Variants in CENPE observed in about 807,000 individuals in gnomAD.
CENPE encodes centromere-associated protein E.
A neutral mutation model predicts 336.1 loss-of-function variants in CENPE; 145 were observed. That is an observed-to-expected ratio of 0.43 (90% CI 0.38 to 0.50). The LOEUF is 0.50. CENPE is among the 20% of genes least tolerant of loss of function. The probability of loss-of-function intolerance (pLI) is 0.00; values close to 1 mark genes in which losing one functional copy is unlikely to be tolerated. For missense variants in CENPE, 2,719 were observed against 3,023.3 expected (o/e 0.90, Z 2.36); for synonymous variants, 1,013 against 984.8 (o/e 1.03, Z -0.54).
At chr4:103,109,329 G>T (rs1749185974) in intron 47 of CENPE, among the ~76,000 whole-genome samples, 1 of 152,044 alleles carries the variant, frequency 6.6e-6, no homozygotes, top group Non-Finnish European at 1.5e-5. Flanking sequence ...CATGATCATG[G>T]AGTCTTGAAA....
At position 103,163,555 on chromosome 4, in the gene CENPE, TG is replaced by T; in HGVS notation, c.1648-3del. 1 of 1,544,958 alleles carries T rather than the reference TG, an allele frequency of 6.5e-7. No individual in the cohort carries two copies. Among genetic ancestry groups the T allele is most frequent in the Non-Finnish European group, 8.8e-7 (1 of 1,135,128 alleles). ...CGAAATTTCATGAATTAGTTGCATC[TG>T]TAAGAGCATGTGAACAGGTAACAGA... On this transcript the variant is annotated splice_polypyrimidine_tract_variant and splice_region_variant and intron_variant, in intron 16 of 48. Transcript: ENST00000265148.
At chr4:103,134,856 A>C (rs1201908066) in intron 40 of CENPE, among the ~76,000 whole-genome samples, 1 of 152,154 alleles carries the variant, frequency 6.6e-6, no homozygotes, top group Non-Finnish European at 1.5e-5. Context: ...ACCATTCCTT[A>C]ACCTCTTATA....
intron 2 of CENPE, 134 bp from the exon 3 acceptor site, chr4:103,196,386 T>C: frequency 1.4e-6 from 1 of 730,640 alleles, no homozygotes; most frequent in Non-Finnish European, 2.2e-6. Context: ...TAAGACACAG[T>C]ATTTTTTTCA....
At chr4:103,140,516 G>A (rs1752456707) in intron 36 of CENPE, 102 bp from the exon 37 acceptor site, 2 of 893,428 alleles carry the variant, frequency 2.2e-6, no homozygotes, top group South Asian at 2.1e-5. Context: ...TACACTCACA[G>A]TTAAAAACAA....
At chr4:103,173,973 A>G (rs1446598118) in intron 16 of CENPE, among the ~76,000 whole-genome samples, 1 of 151,930 alleles carries the variant, frequency 6.6e-6, no homozygotes, top group Non-Finnish European at 1.5e-5. Flanking sequence ...TAGAACTACC[A>G]TAAGATCCAG....
chr4:103,170,834 G>A (rs763790770), intron 16 of CENPE, among the ~76,000 whole-genome samples: 1 of 152,004 alleles, frequency 6.6e-6, no homozygotes, highest in Non-Finnish European at 1.5e-5. Flanking sequence ...GAAAGGAAGG[G>A]GTGGAAAAAG....
intron 10 of CENPE, 92 bp downstream of exon 10, chr4:103,183,109 C>A: frequency 1.0e-6 from 1 of 970,644 alleles, no homozygotes; most frequent in East Asian, 2.5e-5. Context: ...TGGAAGAAAT[C>A]AGTACATTTG....
intron 38 of CENPE, 25 bp from the exon 39 acceptor site, chr4:103,138,474 C>T (rs374239153): frequency 6.6e-7 from 1 of 1,515,296 alleles, no homozygotes. Flanking sequence ...AGAAAATAAA[C>T]AGGGCTTTTG....
At chr4:103,124,096 A>C (rs2125874144) in intron 42 of CENPE, among the ~76,000 whole-genome samples, 1 of 152,320 alleles carries the variant, frequency 6.6e-6, no homozygotes, top group Admixed American at 6.5e-5. Context: ...ATTAAACTTT[A>C]TCATAGGTAT....
Position 103,153,063 on chromosome 4 carries a change from T to C in CENPE, c.3221A>G (p.Lys1074Arg). ...AEKEQLKTDLKENIEMTIENQ... is the reference protein window; with the variant it reads ...AEKEQLKTDLRENIEMTIENQ... ...AAATCCTACCATTTCAATATTTTCCTTTAGGTCAGTCTTCAATTGTTCCTT... is the reference window on the plus strand; with the variant it reads ...AAATCCTACCATTTCAATATTTTCCCTTAGGTCAGTCTTCAATTGTTCCTT... Residue 1074 changes from lysine (K) to arginine (R), a missense_variant, in exon 25 of 49, where the codon AAG (lysine) becomes AGG (arginine). Around this residue, in one of 5 missense-constraint regions of CENPE, gnomAD observed 2,437 missense variants for 2,513.3 expected, o/e 0.97. Coordinates refer to ENST00000265148, the MANE Select transcript of CENPE (RefSeq NM_001813.3). 1.2e-6 allele frequency: 2 copies of C among 1,611,140 alleles called. No homozygotes were observed. The highest frequency in any genetic ancestry group is 2.7e-5 in the African/African-American group (2 of 74,870).
intron 18 of CENPE, among the ~76,000 whole-genome samples, chr4:103,162,689 C>G (rs1348223467): frequency 1.3e-5 from 2 of 151,870 alleles, no homozygotes; most frequent in African/African-American, 4.8e-5. Flanking sequence ...CCTGCCACCT[C>G]AGTTACCCAA....
chr4:103,165,336 T>G (rs2125985495), intron 16 of CENPE, among the ~76,000 whole-genome samples: 1 of 152,296 alleles, frequency 6.6e-6, no homozygotes, highest in African/African-American at 2.4e-5. Flanking sequence ...ACGGTAAAGA[T>G]TTTTCTCATT....
chr4:103,145,728 C>G, intron 30 of CENPE, 47 bp from the exon 31 acceptor site: 1 of 1,516,920 alleles, frequency 6.6e-7, no homozygotes. Flanking sequence ...AACATTATAA[C>G]TATTTTGTTG....
In CENPE at chr4:103,116,592, T is replaced by G; in HGVS notation, c.7427A>C (p.Lys2476Thr). The G allele has an allele frequency of 1.3e-6, 2 of 1,541,664 alleles. No individual in the cohort carries two copies. Among genetic ancestry groups the G allele is most frequent in the Non-Finnish European group, 1.8e-6 (2 of 1,136,182 alleles). The change falls in exon 45 of 49, where the codon AAA becomes ACA. Residue 2476 changes from lysine (K) to threonine (T), a missense_variant. Lys to Thr is a moderately conservative substitution (Grantham distance 78, BLOSUM62 -1). Transcript: ENST00000265148. ...AAATACGTACTCCTTTTCAAATTCTTTGGCATTTTTCATTTTCTCTAGGTC... is the reference window on the plus strand; with the variant it reads ...AAATACGTACTCCTTTTCAAATTCTGTGGCATTTTTCATTTTCTCTAGGTC... ...KIDLEKMKNA[K>T]EFEKEISATK...
In CENPE at chr4:103,149,400, T is replaced by C. The variant is rs761507458; in HGVS notation, c.3405A>G (p.Gln1135=). The C allele has an allele frequency of 1.2e-5, 18 of 1,559,750 alleles. No individual in the cohort carries two copies. Among genetic ancestry groups the C allele is most frequent in the South Asian group, 7.3e-5 (6 of 82,034 alleles). The change falls in exon 27 of 49, where the codon CAA becomes CAG. Residue 1135 remains glutamine, a synonymous_variant. Transcript: ENST00000265148. ...GAAGTTGTTGCTGTTTTTCTTGGAG[T>C]TGCTGGCTCTTAAAATGCACAATTT... The part of the protein sequence containing the change: ...VEEKLKEKSQ[Q]LQEKQQQLLN...
chr4:103,142,740 C>A (rs759725764), intron 34 of CENPE, among the ~76,000 whole-genome samples: 4 of 151,904 alleles, frequency 2.6e-5, no homozygotes, highest in African/African-American at 9.7e-5. Context: ...CTGGGCCTGG[C>A]GGCTCATGCC....
chr4:103,183,117 T>C (rs1578676767), intron 10 of CENPE, 84 bp downstream of exon 10: 2 of 1,039,226 alleles, frequency 1.9e-6, no homozygotes, highest in Non-Finnish European at 2.9e-6. Flanking sequence ...ATCAGTACAT[T>C]TGAGTGTCAT....
At chr4:103,193,646 C>T (rs776161923) in intron 8 of CENPE, among the ~76,000 whole-genome samples, 2 of 151,988 alleles carry the variant, frequency 1.3e-5, no homozygotes, top group African/African-American at 2.4e-5. Flanking sequence ...TGCATATATT[C>T]GCTTATTCAG....
intron 16 of CENPE, among the ~76,000 whole-genome samples, chr4:103,169,193 T>C (rs1323235979): frequency 6.6e-6 from 1 of 151,252 alleles, no homozygotes; most frequent in East Asian, 1.9e-4. Flanking sequence ...GAATGGATCA[T>C]GCAGAAGAAT....
Sources: gnomAD v4.1 joint callset for allele counts (sites outside exome capture counted in the v4.1 genomes callset) on GRCh38, gnomAD v4.1.1 for gene constraint, gnomAD v4.1.1 regional missense constraint, MANE v1.5 for transcripts, NCBI Gene and HGNC (gene_info 2026-07-23, HGNC 2026-07-21) for gene names.